Variants in NDUFS4 observed in about 807,000 individuals in gnomAD.
The protein encoded by NDUFS4 is NADH dehydrogenase [ubiquinone] iron-sulfur protein 4, mitochondrial.
Under a neutral mutation model 24.3 loss-of-function variants are expected in NDUFS4, and 28 were observed. That is an observed-to-expected ratio of 1.15 (90% CI 0.85 to 1.58). NDUFS4 has a LOEUF of 1.58. Among genes scored for constraint, NDUFS4 ranks in the 40% most tolerant of loss-of-function variants. The pLI is 0.00. For synonymous variants in NDUFS4, 93 were observed against 69.7 expected (o/e 1.34, Z -1.67); for missense variants, 223 against 207.9 (o/e 1.07, Z -0.45).
At chr5:53,612,250 T>C (rs1750718026) in intron 2 of NDUFS4, among the ~76,000 whole-genome samples, 1 of 152,128 alleles carries the variant, frequency 6.6e-6, no homozygotes, top group African/African-American at 2.4e-5. Context: ...TTCAGTGTTG[T>C]ATTGACACTT....
At chr5:53,616,183 G>A (rs1750833049) in intron 2 of NDUFS4, among the ~76,000 whole-genome samples, 1 of 151,500 alleles carries the variant, frequency 6.6e-6, no homozygotes, top group South Asian at 2.1e-4. Flanking sequence ...TATTTATAAT[G>A]TAAAATATTA....
intron 1 of NDUFS4, among the ~76,000 whole-genome samples, chr5:53,585,707 A>C (rs1236894103): frequency 1.3e-5 from 2 of 151,356 alleles, no homozygotes; most frequent in African/African-American, 4.9e-5. Flanking sequence ...GCGCCATTGC[A>C]CTCCAGTGTG....
intron 2 of NDUFS4, among the ~76,000 whole-genome samples, chr5:53,640,876 A>T (rs917745019): frequency 1.3e-5 from 2 of 152,136 alleles, no homozygotes; most frequent in African/African-American, 4.8e-5. Context: ...AATCACACAC[A>T]CATTAATCTG....
At chr5:53,667,651 T>C (rs1202141973) in intron 4 of NDUFS4, among the ~76,000 whole-genome samples, 2 of 152,122 alleles carry the variant, frequency 1.3e-5, no homozygotes, top group African/African-American at 4.8e-5. Flanking sequence ...CTAGTGCTAT[T>C]GAAGGTTGAG....
At chr5:53,643,681 G>T (rs546946953) in intron 2 of NDUFS4, among the ~76,000 whole-genome samples, 1 of 152,116 alleles carries the variant, frequency 6.6e-6, no homozygotes, top group Non-Finnish European at 1.5e-5. Context: ...GAGAAATCAG[G>T]TTGTCTAGAC....
chr5:53,605,269 G>T (rs1750463196), intron 2 of NDUFS4, among the ~76,000 whole-genome samples: 1 of 152,134 alleles, frequency 6.6e-6, no homozygotes, highest in South Asian at 2.1e-4. Context: ...ATGAAGTGAG[G>T]ATGATTTTCA....
chr5:53,567,307 C>G (rs1014404981), intron 1 of NDUFS4, among the ~76,000 whole-genome samples: 1 of 152,204 alleles, frequency 6.6e-6, no homozygotes, highest in Non-Finnish European at 1.5e-5. Flanking sequence ...CCCTAATGTC[C>G]TCTCTGTTTT....
intron 2 of NDUFS4, among the ~76,000 whole-genome samples, chr5:53,633,496 TA>T (rs1751467477): frequency 6.6e-6 from 1 of 152,188 alleles, no homozygotes; most frequent in South Asian, 2.1e-4. Flanking sequence ...TGCAGTCTAT[TA>T]CCATTAGATC....
At chr5:53,606,522 A>G (rs1459506961) in intron 2 of NDUFS4, among the ~76,000 whole-genome samples, 1 of 152,102 alleles carries the variant, frequency 6.6e-6, no homozygotes, top group African/African-American at 2.4e-5. Flanking sequence ...GCCCGCCACC[A>G]CGCCTGGCTA....
chr5:53,617,686 T>G (rs1201806144), intron 2 of NDUFS4, among the ~76,000 whole-genome samples: 1 of 152,208 alleles, frequency 6.6e-6, no homozygotes, highest in Non-Finnish European at 1.5e-5. Flanking sequence ...CTAAGCACTT[T>G]TTTAAAAATT....
chr5:53,588,318 C>T (rs1749836348), intron 1 of NDUFS4, among the ~76,000 whole-genome samples: 1 of 152,138 alleles, frequency 6.6e-6, no homozygotes, highest in South Asian at 2.1e-4. Flanking sequence ...TGAATTGGTC[C>T]TGCTTGTGAC....
At chr5:53,567,707 C>G (rs1283870244) in intron 1 of NDUFS4, among the ~76,000 whole-genome samples, 1 of 152,060 alleles carries the variant, frequency 6.6e-6, no homozygotes, top group Non-Finnish European at 1.5e-5. Context: ...CTTGACTGGT[C>G]TGCTTCCCTT....
intron 1 of NDUFS4, among the ~76,000 whole-genome samples, chr5:53,563,766 T>A (rs1579811326): frequency 6.6e-6 from 1 of 152,156 alleles, no homozygotes; most frequent in East Asian, 1.9e-4. Context: ...CCTCCCAAAG[T>A]GCTGGGATGA....
At chr5:53,646,124 A>G in intron 2 of NDUFS4, 109 bp from the exon 3 acceptor site, 2 of 957,368 alleles carry the variant, frequency 2.1e-6, no homozygotes, top group Admixed American at 4.3e-5. Flanking sequence ...ATTTATCTCA[A>G]TTTATGAACA....
At chr5:53,677,571 T>TAAA (rs1740515963) in intron 4 of NDUFS4, among the ~76,000 whole-genome samples, 1 of 152,218 alleles carries the variant, frequency 6.6e-6, no homozygotes, top group South Asian at 2.1e-4. Flanking sequence ...AAGAGACTTT[T>TAAA]AAAGTGAAAT....
At chr5:53,597,762 T>G (rs559129441) in intron 1 of NDUFS4, among the ~76,000 whole-genome samples, 1 of 152,304 alleles carries the variant, frequency 6.6e-6, no homozygotes, top group African/African-American at 2.4e-5. Context: ...TTAGGCTTCA[T>G]TAAGATTAAA....
At chr5:53,609,974 G>A (rs1336789008) in intron 2 of NDUFS4, among the ~76,000 whole-genome samples, 6 of 152,088 alleles carry the variant, frequency 3.9e-5, no homozygotes, top group African/African-American at 1.4e-4. Context: ...TTAGCAATAA[G>A]GCTGTCTCTT....
chr5:53,596,641 G>A (rs887253842), intron 1 of NDUFS4, among the ~76,000 whole-genome samples: 1 of 152,126 alleles, frequency 6.6e-6, no homozygotes, highest in African/African-American at 2.4e-5. Flanking sequence ...CATTTCAGGT[G>A]TGAGGAAATT....
At chr5:53,644,798 G>A (rs1466684807) in intron 2 of NDUFS4, among the ~76,000 whole-genome samples, 1 of 152,118 alleles carries the variant, frequency 6.6e-6, no homozygotes, top group African/African-American at 2.4e-5. Flanking sequence ...AACAAGCTGT[G>A]ACAAAGTAGC....
Sources: gnomAD v4.1 joint callset for allele counts (sites outside exome capture counted in the v4.1 genomes callset) on GRCh38, gnomAD v4.1.1 for gene constraint, MANE v1.5 for transcripts, NCBI Gene and HGNC (gene_info 2026-07-23, HGNC 2026-07-21) for gene names.